The following FBXL13 variants were observed in gnomAD, a reference collection of about 807,000 sequenced individuals.
FBXL13 encodes the protein F-box and leucine-rich repeat protein 13.
Under a neutral mutation model 83.6 loss-of-function variants are expected in FBXL13, and 67 were observed. That is an observed-to-expected ratio of 0.80 (90% CI 0.66 to 0.98). FBXL13 has a LOEUF of 0.98. Ranked by LOEUF, FBXL13 falls within the 50% of genes least tolerant of loss-of-function variation. The pLI is 0.00. For synonymous variants in FBXL13, 272 were observed against 299.5 expected, an observed-to-expected ratio of 0.91 and a Z score of 0.95; for missense variants, 822 against 866.5, an observed-to-expected ratio of 0.95 and a Z score of 0.64.
chr7:102,881,345 G>A (rs1265765591), intron 14 of FBXL13, among the ~76,000 whole-genome samples: 1 of 148,842 alleles, frequency 6.7e-6, no homozygotes, highest in Non-Finnish European at 1.5e-5. Flanking sequence ...GCTGGGGCAG[G>A]AGAATCATTT....
chr7:102,965,724 A>G (rs1300181871), intron 7 of FBXL13, among the ~76,000 whole-genome samples: 1 of 152,222 alleles, frequency 6.6e-6, no homozygotes, highest in Admixed American at 6.5e-5. Flanking sequence ...TCAGCCAACA[A>G]TAAAAAATAA....
At chr7:103,055,274 G>A (rs934803110) in intron 2 of FBXL13, 96 bp from the exon 3 acceptor site, 4 of 643,938 alleles carry the variant, frequency 6.2e-6, no homozygotes, top group Non-Finnish European at 9.1e-6. Flanking sequence ...ATGAAAGGGA[G>A]GAGAAGGAAA....
chr7:102,982,431 T>C (rs983167605), intron 6 of FBXL13, among the ~76,000 whole-genome samples: 3 of 152,222 alleles, frequency 2.0e-5, no homozygotes, highest in South Asian at 4.1e-4. Flanking sequence ...TCAGAGTATA[T>C]ACAGATTCCT....
At chr7:103,043,571 G>A (rs930767643) in intron 2 of FBXL13, among the ~76,000 whole-genome samples, 4 of 152,188 alleles carry the variant, frequency 2.6e-5, no homozygotes, top group African/African-American at 9.6e-5. Flanking sequence ...GAGTCTAATG[G>A]CATGATCTCA....
intron 19 of FBXL13, among the ~76,000 whole-genome samples, chr7:102,820,069 G>C (rs1368922283): frequency 2.0e-5 from 3 of 152,182 alleles, no homozygotes; most frequent in Non-Finnish European, 2.9e-5. Context: ...AGCTTTACTA[G>C]TCCAAACACT....
intron 14 of FBXL13, among the ~76,000 whole-genome samples, chr7:102,882,691 G>A (rs1237408314): frequency 6.6e-6 from 1 of 152,148 alleles, no homozygotes; most frequent in Non-Finnish European, 1.5e-5. Flanking sequence ...GAGCATGGGA[G>A]GCAGAGGTTG....
chr7:103,016,869 T>C (rs1239412475), intron 6 of FBXL13, among the ~76,000 whole-genome samples: 3 of 152,202 alleles, frequency 2.0e-5, no homozygotes, highest in Admixed American at 6.5e-5. Context: ...CCAGGAGGCC[T>C]ACCTGCCTCT....
chr7:103,068,963 T>C (rs1238236461), intron 1 of FBXL13, among the ~76,000 whole-genome samples: 1 of 152,216 alleles, frequency 6.6e-6, no homozygotes, highest in Non-Finnish European at 1.5e-5. Context: ...CACCACGCCA[T>C]CTGGGAAGTA....
intron 8 of FBXL13, among the ~76,000 whole-genome samples, chr7:102,954,968 T>C (rs1268409024): frequency 6.6e-6 from 1 of 152,058 alleles, no homozygotes; most frequent in Non-Finnish European, 1.5e-5. Flanking sequence ...CCACTGTCAA[T>C]ATTAGATAGA....
At chr7:102,907,552 T>C (rs1169755687) in intron 11 of FBXL13, among the ~76,000 whole-genome samples, 1 of 148,790 alleles carries the variant, frequency 6.7e-6, no homozygotes, top group Non-Finnish European at 1.5e-5. Context: ...CTCCCACCTA[T>C]GAGGGAGAAC....
intron 6 of FBXL13, among the ~76,000 whole-genome samples, chr7:103,003,357 G>T (rs1241433413): frequency 1.7e-4 from 23 of 132,758 alleles, no homozygotes; most frequent in African/African-American, 6.6e-4. Flanking sequence ...GTGTGATCTC[G>T]GCTCACTGCA....
At chr7:103,072,914 A>C (rs1563302893) in intron 1 of FBXL13, among the ~76,000 whole-genome samples, 1 of 152,356 alleles carries the variant, frequency 6.6e-6, no homozygotes, top group East Asian at 1.9e-4. Context: ...ATGCCTGGCA[A>C]ATTCCTATCC....
intron 6 of FBXL13, among the ~76,000 whole-genome samples, chr7:102,994,556 G>A (rs1466859289): frequency 6.6e-6 from 1 of 152,188 alleles, no homozygotes; most frequent in African/African-American, 2.4e-5. Flanking sequence ...TTCGAGAAGA[G>A]AGACTTTATT....
At chr7:102,967,640 C>T (rs1826129530) in intron 7 of FBXL13, among the ~76,000 whole-genome samples, 1 of 152,186 alleles carries the variant, frequency 6.6e-6, no homozygotes, top group African/African-American at 2.4e-5. Flanking sequence ...CATTGCACAC[C>T]TCACACCCTA....
intron 7 of FBXL13, among the ~76,000 whole-genome samples, chr7:102,965,789 T>C (rs1464029812): frequency 6.6e-6 from 1 of 152,212 alleles, no homozygotes; most frequent in African/African-American, 2.4e-5. Context: ...TGTAAGATAC[T>C]TTAATATCAA....
intron 6 of FBXL13, among the ~76,000 whole-genome samples, chr7:102,971,146 C>A (rs1203705351): frequency 6.6e-6 from 1 of 152,140 alleles, no homozygotes; most frequent in Non-Finnish European, 1.5e-5. Context: ...ATAAGTGAAA[C>A]TGCAAAAGGC....
At chr7:103,046,695 T>C (rs895564567) in intron 2 of FBXL13, 6 of 152,134 alleles carry the variant, frequency 3.9e-5, no homozygotes, top group African/African-American at 1.2e-4. Context: ...GGAAAAAATA[T>C]TCAAAGATAA....
At chr7:103,027,357 T>C in intron 5 of FBXL13, 92 bp downstream of exon 6, 2 of 758,666 alleles carry the variant, frequency 2.6e-6, no homozygotes, top group Non-Finnish European at 2.1e-6. Context: ...TTCAGGATTT[T>C]AGTATTTTCC....
intron 17 of FBXL13, among the ~76,000 whole-genome samples, chr7:102,837,560 G>A (rs1802218167): frequency 6.6e-6 from 1 of 152,156 alleles, no homozygotes; most frequent in Admixed American, 6.5e-5. Context: ...ATTCTTATAA[G>A]CTTTTCTTTC....
Sources: gnomAD v4.1 joint callset for allele counts (sites outside exome capture counted in the v4.1 genomes callset) on GRCh38, gnomAD v4.1.1 for gene constraint, MANE v1.5 for transcripts, NCBI Gene and HGNC (gene_info 2026-07-23, HGNC 2026-07-21) for gene names.